STARD13: variants seen among roughly 807,000 people sequenced by gnomAD.
STARD13 encodes the protein stAR-related lipid transfer protein 13.
Under a neutral mutation model 106.4 loss-of-function variants are expected in STARD13, and 62 were observed. The ratio of observed to expected loss-of-function variants is 0.58; its 90% confidence interval spans 0.48 to 0.72. STARD13 has a LOEUF of 0.72. STARD13 is among the 30% of genes least tolerant of loss of function. The pLI is 0.00. For synonymous variants in STARD13, 565 were observed against 553.0 expected (o/e 1.02, Z -0.31); for missense variants, 1,387 against 1,424.0 (o/e 0.97, Z 0.42).
At chr13:33,611,308 G>A in the STARD13 span, 1 of 152,222 alleles carries the variant, frequency 6.6e-6, no homozygotes, top group East Asian at 1.9e-4. Context: ...GGAGCCAAAT[G>A]CCACACCGAT....
the STARD13 span, among the ~76,000 whole-genome samples, chr13:33,493,328 A>G: frequency 7.2e-5 from 11 of 152,308 alleles, 1 homozygote; most frequent in East Asian, 2.1e-3. Flanking sequence ...CAACCCCTCC[A>G]AAGTCCCAGA....
At chr13:33,640,166 C>T in the STARD13 span, among the ~76,000 whole-genome samples, 1 of 151,988 alleles carries the variant, frequency 6.6e-6, no homozygotes, top group Non-Finnish European at 1.5e-5. Context: ...ATTTCTGTGT[C>T]TTAGGCACCA....
the STARD13 span, among the ~76,000 whole-genome samples, chr13:33,429,918 CTT>C: frequency 7.5e-5 from 10 of 133,228 alleles, no homozygotes; most frequent in African/African-American, 2.7e-4. Context: ...CTTAATTGTA[CTT>C]TTTTTTTGGG....
the STARD13 span, among the ~76,000 whole-genome samples, chr13:33,401,646 G>A: frequency 3.9e-5 from 6 of 152,252 alleles, no homozygotes; most frequent in South Asian, 2.1e-4. Flanking sequence ...TTGCATCAAG[G>A]CTGGATGGCT....
the STARD13 span, among the ~76,000 whole-genome samples, chr13:33,398,546 C>A: frequency 6.6e-6 from 1 of 151,816 alleles, no homozygotes; most frequent in East Asian, 1.9e-4. Context: ...AAAATATTTG[C>A]AGTACATATA....
chr13:33,296,059 TAA>T (rs879932732), intron 1 of STARD13, among the ~76,000 whole-genome samples: 1 of 140,014 alleles, frequency 7.1e-6, no homozygotes, highest in African/African-American at 2.6e-5. Flanking sequence ...CGTCTCTACT[TAA>T]AAAAAAAAAA....
intron 1 of STARD13, among the ~76,000 whole-genome samples, chr13:33,349,976 G>A (rs1016986353): frequency 4.6e-5 from 7 of 152,218 alleles, no homozygotes; most frequent in Admixed American, 3.9e-4. Flanking sequence ...CGGAGCAGGG[G>A]ACAGCCTAGG....
At chr13:33,591,519 A>G in the STARD13 span, among the ~76,000 whole-genome samples, 3 of 152,244 alleles carry the variant, frequency 2.0e-5, no homozygotes, top group African/African-American at 7.2e-5. Context: ...CTATGACCAC[A>G]TAAGCTAGGC....
chr13:33,469,013 A>G, the STARD13 span, among the ~76,000 whole-genome samples: 2 of 152,184 alleles, frequency 1.3e-5, no homozygotes, highest in East Asian at 1.9e-4. Flanking sequence ...CTAACAACAT[A>G]TACCTCAAAC....
chr13:33,286,436 T>A (rs1019153903), upstream of STARD13, among the ~76,000 whole-genome samples: 2 of 152,178 alleles, frequency 1.3e-5, no homozygotes, highest in South Asian at 2.1e-4. Context: ...CAATTTTTAA[T>A]CACCTAGAGG....
At chr13:33,652,113 C>T in the STARD13 span, among the ~76,000 whole-genome samples, 1 of 152,182 alleles carries the variant, frequency 6.6e-6, no homozygotes, top group Admixed American at 6.5e-5. Flanking sequence ...TTGTTTCAAT[C>T]CATCAAATAT....
the STARD13 span, among the ~76,000 whole-genome samples, chr13:33,652,342 C>T: frequency 6.6e-6 from 1 of 152,096 alleles, no homozygotes; most frequent in African/African-American, 2.4e-5. Context: ...AACTTAATAC[C>T]AAGTTCAAAT....
At chr13:33,665,280 G>C in the STARD13 span, among the ~76,000 whole-genome samples, 1 of 152,140 alleles carries the variant, frequency 6.6e-6, no homozygotes, top group Non-Finnish European at 1.5e-5. Flanking sequence ...TTTCAAAGGA[G>C]TGCCTCTGTG....
the STARD13 span, among the ~76,000 whole-genome samples, chr13:33,371,574 G>A: frequency 6.6e-6 from 1 of 152,182 alleles, no homozygotes; most frequent in African/African-American, 2.4e-5. Flanking sequence ...GGAAGGTGAT[G>A]CGCAATAGTA....
At chr13:33,422,790 A>G in the STARD13 span, among the ~76,000 whole-genome samples, 1 of 152,132 alleles carries the variant, frequency 6.6e-6, no homozygotes, top group East Asian at 1.9e-4. Context: ...AAATAACACC[A>G]CACATCTACA....
chr13:33,449,243 A>C, the STARD13 span, among the ~76,000 whole-genome samples: 4 of 152,032 alleles, frequency 2.6e-5, no homozygotes, highest in Non-Finnish European at 5.9e-5. Flanking sequence ...TGGGTCTTAC[A>C]TTTAAGTTTT....
intron 1 of STARD13, among the ~76,000 whole-genome samples, chr13:33,292,167 G>C (rs1361862204): frequency 2.0e-5 from 3 of 152,140 alleles, no homozygotes; most frequent in South Asian, 2.1e-4. Flanking sequence ...CTGCACATTT[G>C]CTGGAAGTGG....
chr13:33,529,369 C>T, the STARD13 span, among the ~76,000 whole-genome samples: 1 of 152,104 alleles, frequency 6.6e-6, no homozygotes, highest in Non-Finnish European at 1.5e-5. Context: ...TAGTTTCATG[C>T]CTTTATTTTT....
At chr13:33,634,779 G>A in the STARD13 span, among the ~76,000 whole-genome samples, 2 of 152,112 alleles carry the variant, frequency 1.3e-5, no homozygotes, top group Non-Finnish European at 2.9e-5. Flanking sequence ...TTACCCCACT[G>A]ACAGAGAGAA....
Sources: allele counts gnomAD v4.1 joint callset (sites outside exome capture counted in the v4.1 genomes callset), GRCh38; gene constraint gnomAD v4.1.1; transcripts MANE v1.5; gene names NCBI Gene and HGNC (gene_info 2026-07-23, HGNC 2026-07-21).